Variants in ETFRF1 observed in about 807,000 individuals in gnomAD.
ETFRF1 encodes the protein electron transfer flavoprotein regulatory factor 1.
A neutral mutation model predicts 9.0 loss-of-function variants in ETFRF1; 12 were observed. The observed-to-expected ratio is 1.34, with a 90% CI of 0.86 to 2.16. The LOEUF is 2.16. ETFRF1 is among the 30% of genes most tolerant of loss of function. The pLI, the probability that ETFRF1 is intolerant of heterozygous loss-of-function variation, is 0.00. For missense variants in ETFRF1, 98 were observed against 101.8 expected (o/e 0.96, Z 0.16); for synonymous variants, 34 against 33.2 (o/e 1.02, Z -0.08).
At position 25,199,619 on chromosome 12, in the gene ETFRF1, TACAC is replaced by T. The variant is rs56221882; in HGVS notation, c.-37-4275_-37-4272del. ...TTGTATATATACATATATGTATACA[TACAC>T]ACACACACACACACACACACACACA... On this transcript the variant is annotated intron_variant, in intron 1 of 2. Coordinates refer to ENST00000381356, the MANE Select transcript of ETFRF1 (RefSeq NM_001001660.3). Among the ~76,000 whole-genome samples, 528 of 143,650 alleles carry T rather than the reference TACAC, an allele frequency of 3.7e-3. 1 individual carries two copies. The highest frequency in any genetic ancestry group is 4.6e-3 in the Non-Finnish European group (303 of 65,678). 94.2% of individuals were successfully genotyped at this position (143,650 alleles called of 152,430 possible). A position where few individuals can be genotyped will look rare whatever the true frequency, so the allele number is the denominator to read the frequency against.
intron 1 of ETFRF1, among the ~76,000 whole-genome samples, chr12:25,201,061 TC>T (rs1412606410): frequency 6.6e-6 from 1 of 152,224 alleles, no homozygotes; most frequent in Non-Finnish European, 1.5e-5. Context: ...CCTGCTCTCT[TC>T]TGTGCTGTGC....
chr12:25,202,779 A>G (rs1344097338), intron 1 of ETFRF1, among the ~76,000 whole-genome samples: 1 of 152,220 alleles, frequency 6.6e-6, no homozygotes, highest in Non-Finnish European at 1.5e-5. Flanking sequence ...GTTCAGCAAG[A>G]GTATTAAACC....
intron 1 of ETFRF1, among the ~76,000 whole-genome samples, chr12:25,202,519 CAGGAGGG>C: frequency 6.6e-6 from 1 of 152,024 alleles, no homozygotes; most frequent in Admixed American, 6.6e-5. Context: ...GAGCCTTACC[CAGGAGGG>C]AGGAAATGGT....
chr12:25,197,834 G>A (rs1441855930), intron 1 of ETFRF1, among the ~76,000 whole-genome samples: 3 of 152,068 alleles, frequency 2.0e-5, no homozygotes, highest in Non-Finnish European at 2.9e-5. Context: ...AGAAAAAAAA[G>A]GAAGTTTAAA....
At chr12:25,198,155 G>A (rs1951045616) in intron 1 of ETFRF1, among the ~76,000 whole-genome samples, 1 of 152,186 alleles carries the variant, frequency 6.6e-6, no homozygotes, top group African/African-American at 2.4e-5. Flanking sequence ...TAGAAGACTA[G>A]AGGTTTATTT....
intron 1 of ETFRF1, among the ~76,000 whole-genome samples, chr12:25,200,816 C>T (rs1951068350): frequency 6.6e-6 from 1 of 152,182 alleles, no homozygotes; most frequent in African/African-American, 2.4e-5. Flanking sequence ...AGAGGATAGG[C>T]AAGAGGAATT....
At chr12:25,200,867 T>C (rs2141469356) in intron 1 of ETFRF1, among the ~76,000 whole-genome samples, 2 of 152,358 alleles carry the variant, frequency 1.3e-5, no homozygotes, top group Middle Eastern at 6.8e-3. Context: ...ACCACAGTTG[T>C]GCTTCTTGAT....
chr12:25,202,063 C>CAAAAA (rs149050811), intron 1 of ETFRF1, among the ~76,000 whole-genome samples: 12,664 of 52,564 alleles, frequency 0.24, 2,430 homozygotes, highest in Admixed American at 0.28. Context: ...TACTGAAATA[C>CAAAAA]AAAAAAAAAA....
At chr12:25,200,656 CAGAT>C (rs1392245737) in intron 1 of ETFRF1, among the ~76,000 whole-genome samples, 1 of 152,172 alleles carries the variant, frequency 6.6e-6, no homozygotes, top group Non-Finnish European at 1.5e-5. Flanking sequence ...AGCTATCAAA[CAGAT>C]AGAGGGAGCC....
chr12:25,203,859 CTTT>C (rs373549154), intron 1 of ETFRF1, 58 bp from the exon 2 acceptor site: 13 of 976,986 alleles, frequency 1.3e-5, no homozygotes, highest in African/African-American at 5.1e-5. Context: ...TGTGTATAAC[CTTT>C]TTTTATTTTT....
chr12:25,203,290 A>G (rs1337208854), intron 1 of ETFRF1, among the ~76,000 whole-genome samples: 1 of 152,274 alleles, frequency 6.6e-6, no homozygotes, highest in African/African-American at 2.4e-5. Context: ...CATTACACAT[A>G]AAGAAGCATG....
At chr12:25,195,560 C>A in intron 1 of ETFRF1, 1 of 210,640 alleles carries the variant, frequency 4.7e-6, no homozygotes, top group Non-Finnish European at 9.7e-6. Flanking sequence ...CGGTGGGAGG[C>A]CTGGGCCTCT....
In ETFRF1 at chr12:25,204,190, A is replaced by G. The variant is rs200997788; in HGVS notation, c.151A>G (p.Lys51Glu). 1.9e-6 allele frequency: 3 copies of G among 1,613,036 alleles called. No individual in the cohort carries two copies. Among genetic ancestry groups the G allele is most frequent in the African/African-American group, 2.7e-5 (2 of 74,904 alleles). The change falls in exon 3 of 3, where the codon AAG becomes GAG. Residue 51 changes from lysine to glutamate, a missense_variant. Lys to Glu is a moderately conservative substitution (Grantham distance 56, BLOSUM62 1). Transcript: ENST00000381356. Reference sequence around the variant, plus strand: ...AAACAAAGATGTGAAGAATCCAGAGAAGATCAAAGAACTTATTGCACAGGG... The same window carrying G: ...AAACAAAGATGTGAAGAATCCAGAGGAGATCAAAGAACTTATTGCACAGGG... ...LKNKDVKNPE[K>E]IKELIAQGEF...
chr12:25,202,522 G>T (rs1212579488), intron 1 of ETFRF1, among the ~76,000 whole-genome samples: 1 of 152,068 alleles, frequency 6.6e-6, no homozygotes, highest in African/African-American at 2.4e-5. Context: ...CCTTACCCAG[G>T]AGGGAGGAAA....
intron 1 of ETFRF1, among the ~76,000 whole-genome samples, chr12:25,197,159 A>C (rs1384678402): frequency 1.3e-5 from 2 of 152,132 alleles, no homozygotes; most frequent in African/African-American, 4.8e-5. Context: ...GTCTCAAAAA[A>C]AAAAAAAGAT....
chr12:25,201,089 G>A (rs1247801095), intron 1 of ETFRF1, among the ~76,000 whole-genome samples: 1 of 152,198 alleles, frequency 6.6e-6, no homozygotes, highest in Non-Finnish European at 1.5e-5. Context: ...GACCAACTGA[G>A]GACACTCATT....
At chr12:25,195,379 G>T (rs777795221) in intron 1 of ETFRF1, 42 bp downstream of exon 1, 21 of 572,536 alleles carry the variant, frequency 3.7e-5, no homozygotes, top group Non-Finnish European at 5.9e-5. Flanking sequence ...TCCATTTCCC[G>T]GATCCTGGGG....
At chr12:25,200,313 G>C (rs1951065192) in intron 1 of ETFRF1, among the ~76,000 whole-genome samples, 2 of 152,084 alleles carry the variant, frequency 1.3e-5, no homozygotes, top group Admixed American at 1.3e-4. Context: ...GGAGAAAAAA[G>C]AAAATGGAGG....
chr12:25,197,896 C>T (rs533486373), intron 1 of ETFRF1, among the ~76,000 whole-genome samples: 7 of 152,232 alleles, frequency 4.6e-5, no homozygotes, highest in Non-Finnish European at 8.8e-5. Context: ...ATTTTACTCC[C>T]TTCCAAAACT....
Sources: allele counts gnomAD v4.1 joint callset (sites outside exome capture counted in the v4.1 genomes callset), GRCh38; gene constraint gnomAD v4.1.1; transcripts MANE v1.5; gene names NCBI Gene and HGNC (gene_info 2026-07-23, HGNC 2026-07-21).